TIAM2: variants seen among roughly 807,000 people sequenced by gnomAD.
TIAM2 encodes TIAM Rac1 associated GEF 2.
Under a neutral mutation model 152.9 loss-of-function variants are expected in TIAM2, and 80 were observed. The ratio of observed to expected loss-of-function variants is 0.52; its 90% CI spans 0.44 to 0.63. The LOEUF is 0.63. Ranked by LOEUF, TIAM2 falls within the 30% of genes least tolerant of loss-of-function variation. TIAM2 has a pLI of 0.00. For synonymous variants in TIAM2, 804 were observed against 838.0 expected, an observed-to-expected ratio of 0.96 and a Z score of 0.70; for missense variants, 1,965 against 2,120.1, an observed-to-expected ratio of 0.93 and a Z score of 1.44.
intron 1 of TIAM2, among the ~76,000 whole-genome samples, chr6:154,999,381 A>G (rs1778275895): frequency 6.6e-6 from 1 of 150,980 alleles, no homozygotes. Context: ...TAATTTTTGT[A>G]TTTTTAGTAG....
intron 1 of TIAM2, among the ~76,000 whole-genome samples, chr6:155,058,396 T>A (rs774703317): frequency 4.6e-5 from 7 of 152,182 alleles, no homozygotes; most frequent in Non-Finnish European, 7.3e-5. Flanking sequence ...AATTCCAGCC[T>A]GTAAAACTCT....
Position 155,248,181 on chromosome 6 carries a change from T to TGAG in TIAM2, c.3832+4_3832+6dup, listed in dbSNP as rs1562372444. 1 of 1,612,324 alleles carries TGAG rather than the reference T, an allele frequency of 6.2e-7. No homozygotes were observed. The highest frequency in any genetic ancestry group is 8.5e-7 in the Non-Finnish European group (1 of 1,179,644). ...GCGAGGAGCACTACCACCTGACGGG[T>TGAG]GAGGCGGCGGCGGCACCTCCGGGCG... On this transcript the variant is annotated splice_region_variant and intron_variant, in intron 20 of 26. Transcript: ENST00000682666.
intron 1 of TIAM2, among the ~76,000 whole-genome samples, chr6:155,060,272 C>T (rs1354503693): frequency 3.3e-5 from 5 of 151,906 alleles, no homozygotes; most frequent in African/African-American, 9.7e-5. Context: ...CGTGGTGGCA[C>T]GTGCCTGTAA....
intron 1 of TIAM2, among the ~76,000 whole-genome samples, chr6:155,086,005 G>A (rs940636645): frequency 2.0e-5 from 3 of 152,092 alleles, no homozygotes; most frequent in Non-Finnish European, 2.9e-5. Flanking sequence ...TTGCAGTCCC[G>A]GCCCACTGCA....
chr6:155,081,588 G>C (rs554731614), intron 1 of TIAM2, among the ~76,000 whole-genome samples: 15 of 152,248 alleles, frequency 9.9e-5, no homozygotes, highest in East Asian at 5.8e-4. Flanking sequence ...CATTCACACA[G>C]AGCCCAGGCA....
intron 14 of TIAM2, 27 bp downstream of exon 14, chr6:155,183,527 T>G: frequency 1.3e-6 from 2 of 1,571,266 alleles, no homozygotes; most frequent in Non-Finnish European, 1.7e-6. Context: ...TCTTCCTTCT[T>G]AACTGCTGGT....
intron 1 of TIAM2, among the ~76,000 whole-genome samples, chr6:155,054,169 A>G (rs1449015553): frequency 6.6e-6 from 1 of 151,528 alleles, no homozygotes; most frequent in African/African-American, 2.4e-5. Context: ...GCGAGACTGC[A>G]TCTCACAAAC....
Position 155,133,673 on chromosome 6 carries a change from T to C in TIAM2, c.1194+3256T>C, listed in dbSNP as rs76676514. ...TTCAATGAGTTGGACTATTTCAGATTCCACGTATAAGTGGAATCTTGCAGT... is the reference window on the plus strand; with the variant it reads ...TTCAATGAGTTGGACTATTTCAGATCCCACGTATAAGTGGAATCTTGCAGT... On this transcript the variant is annotated intron_variant, in intron 4 of 26. Coordinates refer to ENST00000682666, the MANE Select transcript of TIAM2 (RefSeq NM_012454.4). 3.2e-3 allele frequency among the ~76,000 whole-genome samples: 491 copies of C among 152,008 alleles called. 4 individuals carry two copies. The highest frequency in any genetic ancestry group is 0.018 in the East Asian group (92 of 5,162).
intron 14 of TIAM2, among the ~76,000 whole-genome samples, chr6:155,194,301 CA>C (rs1290903301): frequency 6.6e-6 from 1 of 152,124 alleles, no homozygotes; most frequent in Non-Finnish European, 1.5e-5. Context: ...TGAGCAGGGC[CA>C]GGTGACAAAG....
At position 155,027,384 on chromosome 6, in the gene TIAM2, T is replaced by G. The variant is rs1380850212; in HGVS notation, c.-209+31892T>G. ...TATACTATATATAATATATATACTG[T>G]GTTACATATATACTATATATAATAT... On this transcript the variant is annotated intron_variant, in intron 1 of 26. Coordinates refer to ENST00000682666, the MANE Select transcript of TIAM2 (RefSeq NM_012454.4). Among the ~76,000 whole-genome samples the G allele has an allele frequency of 2.4e-3, 325 of 133,072 alleles. 2 individuals carry two copies. The highest frequency in any genetic ancestry group is 9.2e-3 in the African/African-American group (307 of 33,366). 87.3% of individuals were successfully genotyped at this position (133,072 alleles called of 152,430 possible). A position where few individuals can be genotyped will look rare whatever the true frequency, so the allele number is the denominator to read the frequency against.
At chr6:155,060,375 C>T (rs1488535521) in intron 1 of TIAM2, among the ~76,000 whole-genome samples, 4 of 151,862 alleles carry the variant, frequency 2.6e-5, no homozygotes, top group Admixed American at 2.6e-4. Flanking sequence ...GCACTCCAGT[C>T]TAGGCAACAA....
At chr6:154,996,940 T>A (rs1778222755) in intron 1 of TIAM2, among the ~76,000 whole-genome samples, 1 of 152,168 alleles carries the variant, frequency 6.6e-6, no homozygotes. Context: ...AAGAGTTTAT[T>A]ATTTACTGTG....
At chr6:155,064,626 A>G (rs1354236799) in intron 1 of TIAM2, among the ~76,000 whole-genome samples, 1 of 152,196 alleles carries the variant, frequency 6.6e-6, no homozygotes, top group African/African-American at 2.4e-5. Context: ...GCTTTTGAGT[A>G]ATTCCAGGTG....
At chr6:155,003,051 C>T (rs1236281590) in intron 1 of TIAM2, among the ~76,000 whole-genome samples, 1 of 152,022 alleles carries the variant, frequency 6.6e-6, no homozygotes, top group Non-Finnish European at 1.5e-5. Context: ...AGTGAACACT[C>T]TTAAATGGTG....
At chr6:155,142,916 T>A (rs1036160186) in intron 5 of TIAM2, among the ~76,000 whole-genome samples, 7 of 152,236 alleles carry the variant, frequency 4.6e-5, no homozygotes, top group Non-Finnish European at 8.8e-5. Flanking sequence ...TTGTATAAAC[T>A]TGTTTGTTCA....
chr6:155,164,752 TGAA>T (rs749801852), intron 8 of TIAM2, 152 bp downstream of exon 8: 8 of 926,102 alleles, frequency 8.6e-6, no homozygotes, highest in Non-Finnish European at 1.3e-5. Context: ...GGCCTGGAGA[TGAA>T]GGAGACCAGA....
intron 13 of TIAM2, 128 bp downstream of exon 13, chr6:155,182,446 A>G: frequency 1.2e-6 from 1 of 812,412 alleles, no homozygotes; most frequent in South Asian, 1.7e-5. Context: ...AAGAAAGTAA[A>G]CGTAAGAGTT....
At chr6:155,165,494 C>A in intron 9 of TIAM2, 85 bp downstream of exon 9, 2 of 1,515,214 alleles carry the variant, frequency 1.3e-6, no homozygotes, top group South Asian at 1.3e-5. Flanking sequence ...CATCAATGTT[C>A]ATTCTCTGTT....
chr6:155,179,351 T>G (rs190425622), intron 11 of TIAM2, 27 bp from the exon 12 acceptor site: 1 of 1,609,540 alleles, frequency 6.2e-7, no homozygotes, highest in East Asian at 2.2e-5. Flanking sequence ...TGAGATCCTC[T>G]GATTTTGTTG....
Sources: allele counts gnomAD v4.1 joint callset (sites outside exome capture counted in the v4.1 genomes callset), GRCh38; gene constraint gnomAD v4.1.1; transcripts MANE v1.5; gene names NCBI Gene and HGNC (gene_info 2026-07-23, HGNC 2026-07-21).